The following KIAA1217 variants were observed in gnomAD, a reference collection of about 807,000 sequenced individuals.
KIAA1217 encodes sickle tail protein homolog.
In KIAA1217, 88 loss-of-function variants were observed where a neutral mutation model predicts 163.9. The ratio of observed to expected loss-of-function variants is 0.54; its 90% CI spans 0.45 to 0.64. The LOEUF is 0.64. Among genes scored for constraint, KIAA1217 ranks in the 30% least tolerant of loss-of-function variants. The pLI is 0.00. For synonymous variants in KIAA1217, 903 were observed against 923.1 expected (o/e 0.98, Z 0.39); for missense variants, 2,372 against 2,475.0 (o/e 0.96, Z 0.88).
intron 1 of KIAA1217, among the ~76,000 whole-genome samples, chr10:23,941,873 C>G (rs1390427755): frequency 6.6e-6 from 1 of 152,074 alleles, no homozygotes; most frequent in Non-Finnish European, 1.5e-5. Flanking sequence ...TATCCCAAGA[C>G]TAAACATTCA....
intron 1 of KIAA1217, among the ~76,000 whole-genome samples, chr10:23,753,229 A>T (rs1464361354): frequency 6.6e-6 from 1 of 152,248 alleles, no homozygotes; most frequent in Non-Finnish European, 1.5e-5. Flanking sequence ...GGCATTGGTT[A>T]TAAGCAGAAT....
chr10:23,930,229 T>C (rs186877331), intron 1 of KIAA1217, among the ~76,000 whole-genome samples: 1 of 152,274 alleles, frequency 6.6e-6, no homozygotes, highest in African/African-American at 2.4e-5. Flanking sequence ...CACTTTTAAA[T>C]GGGGTTATTT....
chr10:24,363,980 C>G (rs1442620841), intron 2 of KIAA1217, among the ~76,000 whole-genome samples: 1 of 144,666 alleles, frequency 6.9e-6, no homozygotes, highest in African/African-American at 2.5e-5. Context: ...GTCTCATCCA[C>G]TTTTTTTTTT....
At chr10:23,718,438 G>T (rs1394214799) in intron 1 of KIAA1217, among the ~76,000 whole-genome samples, 1 of 152,144 alleles carries the variant, frequency 6.6e-6, no homozygotes, top group African/African-American at 2.4e-5. Context: ...TGAAAGATGT[G>T]TCCCAAGTTT....
intron 10 of KIAA1217, among the ~76,000 whole-genome samples, chr10:24,516,758 C>G (rs776726236): frequency 5.3e-5 from 8 of 152,172 alleles, no homozygotes; most frequent in Non-Finnish European, 8.8e-5. Context: ...GGCAGTGAGG[C>G]CTGAACCACA....
chr10:23,899,216 T>C (rs1388686929), intron 1 of KIAA1217, among the ~76,000 whole-genome samples: 1 of 152,118 alleles, frequency 6.6e-6, no homozygotes, highest in Non-Finnish European at 1.5e-5. Flanking sequence ...TGCTGAACAA[T>C]AGGGCACATG....
chr10:24,115,326 T>A (rs1406433728), intron 2 of KIAA1217, among the ~76,000 whole-genome samples: 3 of 152,158 alleles, frequency 2.0e-5, no homozygotes, highest in Non-Finnish European at 4.4e-5. Context: ...ATTATTTAGA[T>A]GAAAGAAATT....
chr10:24,336,025 G>A (rs546222918), intron 2 of KIAA1217, among the ~76,000 whole-genome samples: 3 of 152,238 alleles, frequency 2.0e-5, no homozygotes, highest in South Asian at 4.1e-4. Context: ...CAAATCACCT[G>A]AGGTCAGGTG....
chr10:24,105,322 G>C (rs888597562), intron 2 of KIAA1217, among the ~76,000 whole-genome samples: 5 of 152,176 alleles, frequency 3.3e-5, no homozygotes, highest in African/African-American at 1.2e-4. Flanking sequence ...AAAATATAAA[G>C]ACTCAGCCAT....
At chr10:23,883,987 A>T (rs1841064451) in intron 1 of KIAA1217, among the ~76,000 whole-genome samples, 1 of 151,978 alleles carries the variant, frequency 6.6e-6, no homozygotes, top group South Asian at 2.1e-4. Context: ...TCTGGATGTA[A>T]CATAGTTGAT....
At chr10:24,147,034 G>C (rs946949958) in intron 2 of KIAA1217, among the ~76,000 whole-genome samples, 20 of 131,858 alleles carry the variant, frequency 1.5e-4, no homozygotes, top group African/African-American at 6.2e-4. Context: ...AAAAAAAACA[G>C]TTCCCAGAGA....
At chr10:24,082,492 G>A (rs1255521337) in intron 2 of KIAA1217, among the ~76,000 whole-genome samples, 3 of 152,036 alleles carry the variant, frequency 2.0e-5, no homozygotes, top group African/African-American at 4.8e-5. Flanking sequence ...GAGAACATGC[G>A]GTGTTTGGTT....
chr10:23,934,491 C>T (rs561201461), intron 1 of KIAA1217, among the ~76,000 whole-genome samples: 49 of 125,376 alleles, frequency 3.9e-4, no homozygotes, highest in Non-Finnish European at 6.9e-4. Context: ...ACATGTATCT[C>T]ATTTTCTTTC....
chr10:24,217,031 C>CAAAAA lies in KIAA1217; in HGVS notation c.71-2572_71-2568dup, dbSNP rs60303909. Among the ~76,000 whole-genome samples, 19 of 21,318 alleles carry CAAAAA rather than the reference C, an allele frequency of 8.9e-4. 6 individuals are homozygous for CAAAAA. The highest frequency in any genetic ancestry group is 3.4e-3 in the African/African-American group (16 of 4,656). 14.0% of individuals were successfully genotyped at this position (21,318 alleles called of 152,430 possible). Reference sequence around the variant, plus strand: ...TGGGTGACAGAGCAAGACCTTGTCTCAAAAAAAAAAAAAAAAAAAAAAAAA... The same window carrying CAAAAA: ...TGGGTGACAGAGCAAGACCTTGTCTCAAAAAAAAAAAAAAAAAAAAAAAAAAAAAA... On this transcript the variant is annotated intron_variant, in intron 1 of 20. Coordinates refer to ENST00000376454, the MANE Select transcript of KIAA1217 (RefSeq NM_019590.5).
intron 1 of KIAA1217, among the ~76,000 whole-genome samples, chr10:23,719,173 G>T (rs1837729850): frequency 6.6e-6 from 1 of 152,200 alleles, no homozygotes; most frequent in Non-Finnish European, 1.5e-5. Flanking sequence ...ATCAGTGGAT[G>T]AATGGATAAA....
At chr10:24,241,583 A>G (rs939288103) in intron 2 of KIAA1217, among the ~76,000 whole-genome samples, 1 of 152,138 alleles carries the variant, frequency 6.6e-6, no homozygotes, top group Non-Finnish European at 1.5e-5. Flanking sequence ...AACCCAAGTC[A>G]CCAAGGGGCT....
At chr10:23,853,593 C>G (rs1192313208) in intron 1 of KIAA1217, among the ~76,000 whole-genome samples, 1 of 152,122 alleles carries the variant, frequency 6.6e-6, no homozygotes, top group Non-Finnish European at 1.5e-5. Flanking sequence ...GGAATGGTAC[C>G]AATTCCTCCT....
At chr10:23,852,058 CT>C in intron 1 of KIAA1217, among the ~76,000 whole-genome samples, 1 of 152,064 alleles carries the variant, frequency 6.6e-6, no homozygotes, top group East Asian at 1.9e-4. Context: ...GTTACCATTC[CT>C]TTTGGTGTTT....
chr10:24,500,462 T>C (rs201505707), intron 8 of KIAA1217, among the ~76,000 whole-genome samples: 1 of 152,208 alleles, frequency 6.6e-6, no homozygotes, highest in East Asian at 1.9e-4. Context: ...TCCAGGTACC[T>C]GTATCAATAG....
Sources: gnomAD v4.1 joint callset for allele counts (sites outside exome capture counted in the v4.1 genomes callset) on GRCh38, gnomAD v4.1.1 for gene constraint, MANE v1.5 for transcripts, NCBI Gene and HGNC (gene_info 2026-07-23, HGNC 2026-07-21) for gene names.